Variants in SLIT2 observed in about 807,000 individuals in gnomAD.
The protein encoded by SLIT2 is slit guidance ligand 2.
Under a neutral mutation model 185.7 loss-of-function variants are expected in SLIT2, and 41 were observed. That is an observed-to-expected ratio of 0.22 (90% CI 0.17 to 0.29). The LOEUF (loss-of-function observed/expected upper bound fraction) is 0.29. Ranked by LOEUF, SLIT2 falls within the 10% of genes least tolerant of loss-of-function variation. SLIT2 has a pLI of 1.00. For synonymous variants in SLIT2, 693 were observed against 680.2 expected (o/e 1.02, Z -0.29); for missense variants, 1,571 against 1,909.0 (o/e 0.82, Z 3.30).
chr4:20,394,677 T>C (rs934186381), intron 4 of SLIT2: 1 of 152,054 alleles, frequency 6.6e-6, no homozygotes, highest in Non-Finnish European at 1.5e-5. Flanking sequence ...CCATTCTGTG[T>C]TACTGTGCCT....
intron 4 of SLIT2, among the ~76,000 whole-genome samples, chr4:20,313,096 G>A (rs892229565): frequency 6.6e-6 from 1 of 152,130 alleles, no homozygotes; most frequent in African/African-American, 2.4e-5. Context: ...TGTCACATTT[G>A]TTGACTTTCT....
intron 21 of SLIT2, among the ~76,000 whole-genome samples, chr4:20,543,458 T>A (rs649424): frequency 0.68 from 102,881 of 152,040 alleles, 35,219 homozygotes; most frequent in East Asian, 0.97. Flanking sequence ...GATATGCTTG[T>A]TCTGAATACA....
At chr4:20,595,886 G>T (rs908319780) in intron 31 of SLIT2, 52 bp downstream of exon 31, 1 of 1,480,902 alleles carries the variant, frequency 6.8e-7, no homozygotes, top group Non-Finnish European at 9.4e-7. Flanking sequence ...TAGCACAACA[G>T]GGTGACTATA....
chr4:20,508,004 C>T (rs1222272185), intron 9 of SLIT2, among the ~76,000 whole-genome samples: 1 of 151,904 alleles, frequency 6.6e-6, no homozygotes. Context: ...TCTTAACTGT[C>T]AATCAAAACA....
intron 12 of SLIT2, among the ~76,000 whole-genome samples, chr4:20,522,355 C>T (rs1348713390): frequency 6.6e-6 from 1 of 152,050 alleles, no homozygotes; most frequent in African/African-American, 2.4e-5. Flanking sequence ...CCTATTGAGA[C>T]CAGTGGTGCC....
rs368765680 is a variant in SLIT2 at position 20,529,111 on chromosome 4, C to G, written c.1613+12C>G. ...TACACTGCAGAGTTGTAAGTTCATC[C>G]CCCAACAAAATTCTGGTTGGGATGG... is the stretch of plus-strand genomic sequence containing the variant. On this transcript the variant is annotated intron_variant, in intron 16 of 36. Coordinates refer to ENST00000504154, the MANE Select transcript of SLIT2 (RefSeq NM_004787.4). 7.0e-6 allele frequency: 11 copies of G among 1,564,556 alleles called. No homozygotes were observed. The highest frequency in any genetic ancestry group is 2.3e-5 in the East Asian group (1 of 44,256).
At chr4:20,521,750 A>G (rs937340906) in intron 12 of SLIT2, among the ~76,000 whole-genome samples, 2 of 152,274 alleles carry the variant, frequency 1.3e-5, no homozygotes, top group Admixed American at 1.3e-4. Flanking sequence ...AGCACAGCCA[A>G]TTGAGTCACC....
intron 4 of SLIT2, among the ~76,000 whole-genome samples, chr4:20,338,743 C>T (rs1035742553): frequency 1.5e-4 from 23 of 152,100 alleles, no homozygotes; most frequent in African/African-American, 5.1e-4. Context: ...TACACAATCT[C>T]TTCTTATGAG....
chr4:20,510,502 G>C lies in SLIT2; in HGVS notation c.922G>C (p.Glu308Gln), dbSNP rs147889422. 1.2e-6 allele frequency: 2 copies of C among 1,609,730 alleles called. No homozygotes were observed. Among genetic ancestry groups the C allele is most frequent in the Non-Finnish European group, 1.7e-6 (2 of 1,176,802 alleles). The change falls in exon 10 of 37, where the codon GAA becomes CAA. Residue 308 changes from glutamate (E) to glutamine (Q), a missense_variant. Glu to Gln is a conservative substitution (Grantham distance 29). Coordinates refer to ENST00000504154, the MANE Select transcript of SLIT2 (RefSeq NM_004787.4). Reference protein sequence around the residue: ...LPETITEIRLEQNTIKVIPPG... With the variant: ...LPETITEIRLQQNTIKVIPPG... The stretch of plus-strand genomic sequence containing the variant: ...AATTTTTTTTCATTGCAGACGTTTG[G>C]AACAGAACACAATCAAAGTCATCCC...
chr4:20,574,113 C>T (rs1289278054), intron 29 of SLIT2, among the ~76,000 whole-genome samples: 1 of 151,806 alleles, frequency 6.6e-6, no homozygotes. Flanking sequence ...CGCCGCCATG[C>T]TTGGCTAATT....
At chr4:20,454,098 A>G (rs1228480865) in intron 4 of SLIT2, among the ~76,000 whole-genome samples, 1 of 152,178 alleles carries the variant, frequency 6.6e-6, no homozygotes, top group Non-Finnish European at 1.5e-5. Context: ...GCTTCCCTGT[A>G]GGGAATTCTA....
chr4:20,270,362 C>T (rs1713475058), intron 4 of SLIT2, among the ~76,000 whole-genome samples: 1 of 151,888 alleles, frequency 6.6e-6, no homozygotes, highest in Non-Finnish European at 1.5e-5. Context: ...CCCTCATCAG[C>T]AAATTATATT....
chr4:20,279,837 C>T (rs952724084), intron 4 of SLIT2, among the ~76,000 whole-genome samples: 4 of 152,136 alleles, frequency 2.6e-5, no homozygotes, highest in Non-Finnish European at 4.4e-5. Context: ...ATTCTTTAAT[C>T]GTAACCTGTG....
chr4:20,349,947 G>T (rs1159084755), intron 4 of SLIT2, among the ~76,000 whole-genome samples: 1 of 152,092 alleles, frequency 6.6e-6, no homozygotes, highest in Non-Finnish European at 1.5e-5. Flanking sequence ...TTTATTTTTT[G>T]ATCTGAATCT....
intron 4 of SLIT2, among the ~76,000 whole-genome samples, chr4:20,291,977 C>T (rs1427894223): frequency 6.6e-6 from 1 of 150,632 alleles, no homozygotes; most frequent in East Asian, 2.0e-4. Flanking sequence ...GGTGTTCCTG[C>T]GTATGTGCTG....
chr4:20,270,332 G>C (rs756367478), intron 4 of SLIT2, among the ~76,000 whole-genome samples: 3 of 151,800 alleles, frequency 2.0e-5, no homozygotes, highest in Non-Finnish European at 2.9e-5. Flanking sequence ...AGTTTAAGGT[G>C]GTATAATCCA....
At chr4:20,303,908 C>T (rs1172372377) in intron 4 of SLIT2, among the ~76,000 whole-genome samples, 1 of 152,146 alleles carries the variant, frequency 6.6e-6, no homozygotes, top group African/African-American at 2.4e-5. Context: ...GGAGATGAAC[C>T]TTGGAAGGCT....
intron 33 of SLIT2, among the ~76,000 whole-genome samples, chr4:20,603,193 AT>A (rs1244572827): frequency 2.0e-5 from 3 of 152,204 alleles, no homozygotes; most frequent in South Asian, 2.1e-4. Flanking sequence ...ACAAGAGAGA[AT>A]TGAGAACTAA....
chr4:20,509,327 A>G (rs1043485431), intron 9 of SLIT2, among the ~76,000 whole-genome samples: 1 of 152,074 alleles, frequency 6.6e-6, no homozygotes, highest in African/African-American at 2.4e-5. Flanking sequence ...GGAAGGTAAC[A>G]GGGAAAAAAC....
Sources: gnomAD v4.1 joint callset for allele counts (sites outside exome capture counted in the v4.1 genomes callset) on GRCh38, gnomAD v4.1.1 for gene constraint, MANE v1.5 for transcripts, NCBI Gene and HGNC (gene_info 2026-07-23, HGNC 2026-07-21) for gene names.